The following ZBBX variants were observed in gnomAD, a reference collection of about 807,000 sequenced individuals.
The protein encoded by ZBBX is zinc finger B-box domain-containing protein 1.
A neutral mutation model predicts 108.5 loss-of-function variants in ZBBX; 101 were observed. The ratio of observed to expected loss-of-function variants is 0.93; its 90% confidence interval spans 0.79 to 1.10. The LOEUF (loss-of-function observed/expected upper bound fraction) is 1.10, where lower values mean the gene tolerates loss of function less well. Ranked by LOEUF, ZBBX falls within the 50% of genes least tolerant of loss-of-function variation. The pLI is 0.00. For missense variants in ZBBX, 1,009 were observed against 941.4 expected (o/e 1.07, Z -0.94); for synonymous variants, 356 against 323.4 (o/e 1.10, Z -1.08).
chr3:167,240,951 A>G, intron 21 of ZBBX, 32 bp from the exon 22 acceptor site: 1 of 1,607,194 alleles, frequency 6.2e-7, no homozygotes, highest in Non-Finnish European at 8.5e-7. Context: ...AATACACAAT[A>G]TACAGAACCG....
chr3:167,356,204 G>A (rs1743545994), intron 8 of ZBBX, among the ~76,000 whole-genome samples: 2 of 151,854 alleles, frequency 1.3e-5, no homozygotes, highest in African/African-American at 2.4e-5. Flanking sequence ...TTTTAACTTA[G>A]GAAATATTAG....
In ZBBX at chr3:167,305,912, G is replaced by C. The variant is rs1204779151; in HGVS notation, c.1456C>G (p.Pro486Ala). ...SNTDFDNIVD[P>A]DVYSSDIEKI... ...TCAATGTCAGAAGAATACACATCAG[G>C]ATCCACGATGTTGTCAAAATCTGTG... The change falls in exon 17 of 22, where the codon CCT becomes GCT. Residue 486 changes from proline (P) to alanine (A), a missense_variant. Physicochemically the swap from Pro to Ala is conservative, Grantham distance 27 (BLOSUM62 -1). Transcript: ENST00000675490. 8.2e-6 allele frequency: 13 copies of C among 1,580,056 alleles called. No individual in the cohort carries two copies. Among genetic ancestry groups the C allele is most frequent in the African/African-American group, 2.7e-5 (2 of 73,330 alleles).
At chr3:167,198,110 C>A in the ZBBX span, among the ~76,000 whole-genome samples, 6 of 152,072 alleles carry the variant, frequency 3.9e-5, no homozygotes, top group African/African-American at 1.2e-4. Flanking sequence ...TTTAAATTAT[C>A]ATTTGAGAAT....
intron 20 of ZBBX, among the ~76,000 whole-genome samples, chr3:167,270,332 C>T (rs1203017009): frequency 2.0e-5 from 3 of 152,160 alleles, no homozygotes; most frequent in Admixed American, 6.5e-5. Context: ...TTGGATACTG[C>T]CGCTTATGGA....
intron 13 of ZBBX, 67 bp from the exon 14 acceptor site, chr3:167,317,172 A>T (rs1354692708): frequency 1.8e-6 from 2 of 1,087,596 alleles, no homozygotes; most frequent in East Asian, 5.1e-5. Flanking sequence ...TCTTCAAATA[A>T]GATAGCCACC....
intron 20 of ZBBX, among the ~76,000 whole-genome samples, chr3:167,268,679 G>T (rs1725998027): frequency 6.6e-6 from 1 of 152,086 alleles, no homozygotes; most frequent in African/African-American, 2.4e-5. Flanking sequence ...ACTCCACTTT[G>T]TCACTAAGAG....
rs1305157763 is a variant in ZBBX, at chr3:167,290,324, G to A, written c.1880-1341C>T. On this transcript the variant is annotated intron_variant, in intron 18 of 21. Coordinates refer to ENST00000675490, the MANE Select transcript of ZBBX (RefSeq NM_001199201.2). ...GAGAGCTCTGGCTGGCATCTGGTGG[G>A]TGCCTCACTGGGACAAAGCTTCCAG... Among the ~76,000 whole-genome samples the A allele has an allele frequency of 3.9e-5, 6 of 152,186 alleles. No homozygotes were observed. In the East Asian group the frequency reaches 7.7e-4, roughly 20 times the overall value.
intron 12 of ZBBX, among the ~76,000 whole-genome samples, chr3:167,319,320 C>T (rs1222092372): frequency 1.3e-5 from 2 of 151,844 alleles, no homozygotes; most frequent in Admixed American, 6.6e-5. Context: ...AAAAAAGGCA[C>T]ATTTGTAAGG....
chr3:167,354,467 G>A (rs2108512455), intron 8 of ZBBX, among the ~76,000 whole-genome samples: 1 of 151,922 alleles, frequency 6.6e-6, no homozygotes, highest in Admixed American at 6.6e-5. Flanking sequence ...TTAGCTAAAA[G>A]ATGATGGAAT....
intron 11 of ZBBX, 98 bp downstream of exon 11, chr3:167,327,844 G>A (rs1449346428): frequency 4.2e-6 from 5 of 1,191,500 alleles, no homozygotes; most frequent in South Asian, 1.7e-5. Context: ...AACCCGGAAG[G>A]TGGAGGTTGC....
At chr3:167,191,520 G>A in the ZBBX span, among the ~76,000 whole-genome samples, 1 of 152,104 alleles carries the variant, frequency 6.6e-6, no homozygotes, top group Non-Finnish European at 1.5e-5. Flanking sequence ...TCTCCTGAGA[G>A]TGAATGAATC....
chr3:167,318,475 A>C (rs1005211040), intron 12 of ZBBX, among the ~76,000 whole-genome samples: 3 of 152,016 alleles, frequency 2.0e-5, no homozygotes, highest in African/African-American at 7.2e-5. Flanking sequence ...TGAGTCATTC[A>C]GGTAGTGAAT....
intron 5 of ZBBX, chr3:167,366,971 T>A (rs922561563): frequency 2.2e-6 from 1 of 454,542 alleles, no homozygotes; most frequent in Non-Finnish European, 4.4e-6. Flanking sequence ...CAATGCTCTA[T>A]TAGAGGGGGT....
the ZBBX span, among the ~76,000 whole-genome samples, chr3:167,230,418 G>T: frequency 6.6e-6 from 1 of 151,736 alleles, no homozygotes; most frequent in Non-Finnish European, 1.5e-5. Context: ...TAGTAAAAAG[G>T]TGAACAAATA....
At chr3:167,278,405 T>C (rs1406282514) in intron 20 of ZBBX, among the ~76,000 whole-genome samples, 1 of 142,688 alleles carries the variant, frequency 7.0e-6, no homozygotes, top group African/African-American at 2.6e-5. Context: ...CAATAAAAAA[T>C]GATAAAGGGG....
chr3:167,311,008 C>A (rs1028232761), intron 16 of ZBBX, among the ~76,000 whole-genome samples: 3 of 151,908 alleles, frequency 2.0e-5, no homozygotes, highest in Non-Finnish European at 4.4e-5. Context: ...AACACAATAT[C>A]GAAGAAGAGC....
At chr3:167,188,876 C>T in the ZBBX span, among the ~76,000 whole-genome samples, 2 of 152,022 alleles carry the variant, frequency 1.3e-5, no homozygotes, top group African/African-American at 4.8e-5. Flanking sequence ...AAAGCTGGGG[C>T]TTTTTGGCAA....
chr3:167,228,710 T>G, the ZBBX span, among the ~76,000 whole-genome samples: 1 of 151,802 alleles, frequency 6.6e-6, no homozygotes, highest in African/African-American at 2.4e-5. Flanking sequence ...ATACAGTAGT[T>G]AAATATTTCT....
chr3:167,244,978 T>G (rs1170874500), intron 20 of ZBBX, among the ~76,000 whole-genome samples: 23 of 152,042 alleles, frequency 1.5e-4, no homozygotes, highest in Middle Eastern at 3.2e-3. Context: ...AATAAGCACT[T>G]ACATGAAATA....
Sources: allele counts gnomAD v4.1 joint callset (sites outside exome capture counted in the v4.1 genomes callset), GRCh38; gene constraint gnomAD v4.1.1; transcripts MANE v1.5; gene names NCBI Gene and HGNC (gene_info 2026-07-23, HGNC 2026-07-21).